Variants in EPHA5 observed in about 807,000 individuals in gnomAD.
EPHA5 encodes EPH receptor A5, also known as ephrin type-A receptor 5.
In EPHA5, 60 loss-of-function variants were observed where a neutral mutation model predicts 105.0. That is an observed-to-expected ratio of 0.57 (90% confidence interval 0.46 to 0.71). EPHA5 has a LOEUF of 0.71. EPHA5 is among the 30% of genes least tolerant of loss of function. The pLI is 0.00. For synonymous variants in EPHA5, 513 were observed against 449.1 expected (o/e 1.14, Z -1.80); for missense variants, 1,218 against 1,274.7 (o/e 0.96, Z 0.68).
chr4:65,515,501 C>G (rs1367628462), intron 3 of EPHA5, among the ~76,000 whole-genome samples: 1 of 152,148 alleles, frequency 6.6e-6, no homozygotes, highest in East Asian at 1.9e-4. Flanking sequence ...TATTTTATTT[C>G]TCTCAACAAT....
intron 11 of EPHA5, among the ~76,000 whole-genome samples, chr4:65,353,889 A>G (rs1723063035): frequency 6.6e-6 from 1 of 151,708 alleles, no homozygotes; most frequent in Non-Finnish European, 1.5e-5. Context: ...TCTAATTGTT[A>G]TGTGAAAGAT....
At chr4:65,373,015 C>T (rs1718642979) in intron 8 of EPHA5, among the ~76,000 whole-genome samples, 1 of 151,830 alleles carries the variant, frequency 6.6e-6, no homozygotes, top group Non-Finnish European at 1.5e-5. Flanking sequence ...TTTGATATAA[C>T]ACTATCTTTA....
chr4:65,550,703 G>A (rs975948143), intron 3 of EPHA5, among the ~76,000 whole-genome samples: 35 of 152,182 alleles, frequency 2.3e-4, no homozygotes, highest in African/African-American at 7.9e-4. Flanking sequence ...AGGCATGGTG[G>A]CGCGCGCCTA....
At chr4:65,479,441 T>C (rs899929720) in intron 5 of EPHA5, among the ~76,000 whole-genome samples, 32 of 152,314 alleles carry the variant, frequency 2.1e-4, no homozygotes, top group Admixed American at 1.2e-3. Flanking sequence ...TAAATGTATT[T>C]CTTCTGAAAT....
At chr4:65,407,128 T>A (rs1722438577) in intron 7 of EPHA5, among the ~76,000 whole-genome samples, 2 of 152,150 alleles carry the variant, frequency 1.3e-5, no homozygotes, top group African/African-American at 4.8e-5. Flanking sequence ...ATCATTTTTA[T>A]GATGTTTCCC....
intron 3 of EPHA5, among the ~76,000 whole-genome samples, chr4:65,576,192 A>G (rs944671616): frequency 6.6e-6 from 1 of 151,070 alleles, no homozygotes; most frequent in Admixed American, 6.7e-5. Context: ...GGAAGGAAGG[A>G]AAATAAATGC....
At chr4:65,622,164 C>CT (rs748377396) in intron 2 of EPHA5, among the ~76,000 whole-genome samples, 25 of 152,076 alleles carry the variant, frequency 1.6e-4, no homozygotes, top group East Asian at 5.8e-4. Context: ...AGAAAAGTAA[C>CT]TTTTTTGTTG....
At chr4:65,591,261 C>A (rs189657006) in intron 3 of EPHA5, among the ~76,000 whole-genome samples, 1 of 152,068 alleles carries the variant, frequency 6.6e-6, no homozygotes, top group East Asian at 1.9e-4. Flanking sequence ...TGTATTATAT[C>A]TTCATTTTTA....
At chr4:65,524,853 A>C (rs1427050353) in intron 3 of EPHA5, among the ~76,000 whole-genome samples, 1 of 151,790 alleles carries the variant, frequency 6.6e-6, no homozygotes, top group Non-Finnish European at 1.5e-5. Context: ...TAAATATGGC[A>C]GATCTAGTAG....
rs1740781556 is a variant in EPHA5, at chr4:65,575,294, C to CA, written c.910+26346dup. On this transcript the variant is annotated intron_variant, in intron 3 of 16. Transcript: ENST00000613740. ...AGCTACCCAAATCAGTGGGCTCCCACAAGCTGAGTGGTTCCATGTACCTTC... is the reference window on the plus strand; with the variant it reads ...AGCTACCCAAATCAGTGGGCTCCCACAAAGCTGAGTGGTTCCATGTACCTTC... Among the ~76,000 whole-genome samples, 3 of 152,244 alleles carry CA rather than the reference C, an allele frequency of 2.0e-5. No individual in the cohort carries two copies. In the South Asian group the frequency reaches 6.2e-4, roughly 32 times the overall value.
intron 8 of EPHA5, among the ~76,000 whole-genome samples, chr4:65,391,526 A>G (rs1231388312): frequency 1.3e-5 from 2 of 152,158 alleles, no homozygotes; most frequent in East Asian, 1.9e-4. Flanking sequence ...GGCTCAGGAA[A>G]TTAACTGATT....
chr4:65,376,392 T>C (rs1719007134), intron 8 of EPHA5, among the ~76,000 whole-genome samples: 1 of 152,094 alleles, frequency 6.6e-6, no homozygotes, highest in African/African-American at 2.4e-5. Flanking sequence ...TATTTATAAA[T>C]AATTAAGAGT....
At chr4:65,557,682 A>G (rs1420003236) in intron 3 of EPHA5, among the ~76,000 whole-genome samples, 1 of 152,100 alleles carries the variant, frequency 6.6e-6, no homozygotes, top group African/African-American at 2.4e-5. Flanking sequence ...GAGGGAGACA[A>G]GTACACTTCA....
intron 16 of EPHA5, chr4:65,330,633 T>A (rs1255353938): frequency 1.7e-6 from 1 of 585,710 alleles, no homozygotes; most frequent in Non-Finnish European, 2.2e-6. Context: ...AATATCATTT[T>A]AATATAAAAT....
intron 3 of EPHA5, among the ~76,000 whole-genome samples, chr4:65,516,249 A>G (rs62300363): frequency 0.026 from 4,016 of 152,310 alleles, 97 homozygotes; most frequent in Middle Eastern, 0.044. Context: ...GTTGTTTAAC[A>G]CATGTTTTGT....
intron 5 of EPHA5, among the ~76,000 whole-genome samples, chr4:65,486,605 T>C (rs1180618800): frequency 6.6e-6 from 1 of 152,232 alleles, no homozygotes; most frequent in Non-Finnish European, 1.5e-5. Flanking sequence ...TAAAATCTGC[T>C]GAAAAAAGTT....
chr4:65,452,028 TGAA>T (rs1373568126), intron 5 of EPHA5, among the ~76,000 whole-genome samples: 2 of 152,202 alleles, frequency 1.3e-5, no homozygotes, highest in African/African-American at 4.8e-5. Flanking sequence ...TGGGTGATGA[TGAA>T]GTTTGGGCAG....
chr4:65,486,250 C>A (rs1382133989), intron 5 of EPHA5, among the ~76,000 whole-genome samples: 1 of 152,080 alleles, frequency 6.6e-6, no homozygotes, highest in African/African-American at 2.4e-5. Context: ...TGAGATCATT[C>A]ATTTCCCCAT....
intron 2 of EPHA5, among the ~76,000 whole-genome samples, chr4:65,635,747 G>A (rs181761978): frequency 2.6e-5 from 4 of 152,078 alleles, no homozygotes; most frequent in African/African-American, 9.7e-5. Flanking sequence ...TCACATAAAG[G>A]CTTAGACTAT....
Sources: gnomAD v4.1 joint callset for allele counts (sites outside exome capture counted in the v4.1 genomes callset) on GRCh38, gnomAD v4.1.1 for gene constraint, MANE v1.5 for transcripts, NCBI Gene and HGNC (gene_info 2026-07-23, HGNC 2026-07-21) for gene names.